The following PPFIA2 variants were observed in gnomAD, a reference collection of about 807,000 sequenced individuals.
The protein encoded by PPFIA2 is PPFI scaffold protein A2.
In PPFIA2, 46 loss-of-function variants were observed where a neutral mutation model predicts 175.5. The ratio of observed to expected loss-of-function variants is 0.26; its 90% CI spans 0.21 to 0.34. The LOEUF is 0.34. PPFIA2 is among the 10% of genes least tolerant of loss of function. The pLI is 1.00. For synonymous variants in PPFIA2, 568 were observed against 511.4 expected, an observed-to-expected ratio of 1.11 and a Z score of -1.49; for missense variants, 1,179 against 1,506.1, an observed-to-expected ratio of 0.78 and a Z score of 3.60.
chr12:81,616,636 C>T (rs2062744223), intron 4 of PPFIA2, among the ~76,000 whole-genome samples: 1 of 152,162 alleles, frequency 6.6e-6, no homozygotes, highest in African/African-American at 2.4e-5. Context: ...AAATTTATTA[C>T]ATCATGGTAA....
chr12:81,758,326 G>A (rs998576181), intron 2 of PPFIA2, 74 bp downstream of exon 2: 1 of 451,468 alleles, frequency 2.2e-6, no homozygotes, highest in Non-Finnish European at 4.5e-6. Context: ...TTCCCTGGGG[G>A]CGGGGTGGGG....
chr12:81,647,977 C>T (rs1047746363), intron 4 of PPFIA2, among the ~76,000 whole-genome samples: 4 of 145,508 alleles, frequency 2.7e-5, no homozygotes, highest in Non-Finnish European at 4.5e-5. Flanking sequence ...AGCTAGAAGA[C>T]AAGGGAGCAA....
chr12:81,480,102 G>GTTGCTTTTCTTTCTT (rs1180817873), intron 4 of PPFIA2, among the ~76,000 whole-genome samples: 1 of 151,908 alleles, frequency 6.6e-6, no homozygotes, highest in African/African-American at 2.4e-5. Flanking sequence ...GGCTTTGTTT[G>GTTGCTTTTCTTTCTT]TTGCTTTTCT....
At chr12:81,302,722 A>T (rs1178496613) in intron 22 of PPFIA2, 1 of 451,762 alleles carries the variant, frequency 2.2e-6, no homozygotes, top group Non-Finnish European at 4.5e-6. Context: ...CAATTATTTA[A>T]AAAAGAACAG....
chr12:81,756,115 C>T (rs530750689), intron 2 of PPFIA2, among the ~76,000 whole-genome samples: 2 of 152,170 alleles, frequency 1.3e-5, no homozygotes, highest in Admixed American at 6.5e-5. Flanking sequence ...CATTGAGCCG[C>T]TATGTCATTC....
chr12:81,370,531 G>A (rs1477398609), intron 11 of PPFIA2, among the ~76,000 whole-genome samples: 1 of 151,878 alleles, frequency 6.6e-6, no homozygotes, highest in African/African-American at 2.4e-5. Flanking sequence ...AAGAAATCTT[G>A]TTTGTGACTC....
intron 6 of PPFIA2, 45 bp from the exon 7 acceptor site, chr12:81,440,091 A>G (rs2049885466): frequency 1.4e-6 from 2 of 1,388,622 alleles, no homozygotes; most frequent in South Asian, 1.3e-5. Flanking sequence ...CATCCCATAC[A>G]TATTAAACTG....
intron 8 of PPFIA2, among the ~76,000 whole-genome samples, chr12:81,402,200 A>G (rs929924642): frequency 4.6e-5 from 7 of 152,190 alleles, no homozygotes; most frequent in Middle Eastern, 3.2e-3. Flanking sequence ...TCTTAGTTCT[A>G]TCAGTATCTA....
intron 4 of PPFIA2, among the ~76,000 whole-genome samples, chr12:81,567,164 C>T (rs528642668): frequency 2.3e-3 from 345 of 152,274 alleles, no homozygotes; most frequent in Non-Finnish European, 3.6e-3. Context: ...TTTCCTGCCT[C>T]GGCCTCCCGA....
At chr12:81,266,616 A>C (rs2037343807) in intron 30 of PPFIA2, among the ~76,000 whole-genome samples, 1 of 152,192 alleles carries the variant, frequency 6.6e-6, no homozygotes, top group Non-Finnish European at 1.5e-5. Context: ...CTCTTTATTA[A>C]AAAGCTGAAT....
intron 6 of PPFIA2, among the ~76,000 whole-genome samples, chr12:81,443,849 T>TA (rs2050704197): frequency 8.3e-6 from 1 of 120,800 alleles, no homozygotes; most frequent in East Asian, 2.2e-4. Flanking sequence ...ACCTTTCTTT[T>TA]TTTTTTTTTT....
Position 81,369,103 on chromosome 12 carries a change from A to G in PPFIA2, c.1350+8T>C, listed in dbSNP as rs373380178. The G allele has an allele frequency of 1.3e-6, 2 of 1,583,490 alleles. No individual in the cohort carries two copies. The highest frequency in any genetic ancestry group is 1.7e-6 in the Non-Finnish European group (2 of 1,155,378). ...TGATTGGGGGGTAATAGTTCTTAATATACATACTCTTTGAAGTTCTTGATT... is the reference window on the plus strand; with the variant it reads ...TGATTGGGGGGTAATAGTTCTTAATGTACATACTCTTTGAAGTTCTTGATT... On this transcript the variant is annotated splice_region_variant and intron_variant, in intron 12 of 32. Coordinates refer to ENST00000549396, the MANE Select transcript of PPFIA2 (RefSeq NM_003625.5).
At chr12:81,543,146 G>T (rs117639317) in intron 4 of PPFIA2, among the ~76,000 whole-genome samples, 12,049 of 152,108 alleles carry the variant, frequency 0.079, 704 homozygotes, top group Middle Eastern at 0.13. Context: ...CTAGAGCCTA[G>T]CTGTTGGTTT....
chr12:81,747,241 G>A (rs2083185048), intron 3 of PPFIA2, among the ~76,000 whole-genome samples: 2 of 144,064 alleles, frequency 1.4e-5, no homozygotes, highest in African/African-American at 4.9e-5. Context: ...GGATAAAACA[G>A]TGTGCTGGTA....
chr12:81,381,534 G>A (rs1053400420), intron 9 of PPFIA2, among the ~76,000 whole-genome samples: 3 of 152,160 alleles, frequency 2.0e-5, no homozygotes, highest in African/African-American at 7.2e-5. Flanking sequence ...CCAGGGCCAA[G>A]AGAATGAAGA....
chr12:81,286,930 C>T (rs2043590848), intron 24 of PPFIA2, among the ~76,000 whole-genome samples: 1 of 151,876 alleles, frequency 6.6e-6, no homozygotes, highest in Admixed American at 6.6e-5. Flanking sequence ...CTTGTATTCC[C>T]TGCTTCTAAC....
intron 8 of PPFIA2, among the ~76,000 whole-genome samples, chr12:81,397,090 A>C (rs981750105): frequency 6.6e-6 from 1 of 152,118 alleles, no homozygotes; most frequent in African/African-American, 2.4e-5. Context: ...AAAGTCTTTT[A>C]GATATACAAG....
chr12:81,705,436 G>A (rs2077010652), intron 3 of PPFIA2, among the ~76,000 whole-genome samples: 1 of 131,034 alleles, frequency 7.6e-6, no homozygotes, highest in Admixed American at 8.6e-5. Context: ...AGCCTGGGGT[G>A]ACAGAACAAG....
At chr12:81,487,085 GT>G (rs2058908629) in intron 4 of PPFIA2, among the ~76,000 whole-genome samples, 1 of 151,886 alleles carries the variant, frequency 6.6e-6, no homozygotes, top group Non-Finnish European at 1.5e-5. Context: ...AGAAAAACAC[GT>G]GATCATGCAT....
Sources: gnomAD v4.1 joint callset for allele counts (sites outside exome capture counted in the v4.1 genomes callset) on GRCh38, gnomAD v4.1.1 for gene constraint, MANE v1.5 for transcripts, NCBI Gene and HGNC (gene_info 2026-07-23, HGNC 2026-07-21) for gene names.